EXOC6: variants seen among roughly 807,000 people sequenced by gnomAD.
The protein encoded by EXOC6 is SEC15-like 1.
A neutral mutation model predicts 112.5 loss-of-function variants in EXOC6; 60 were observed. The ratio of observed to expected loss-of-function variants is 0.53; its 90% CI spans 0.43 to 0.66. The LOEUF is 0.66. EXOC6 is among the 30% of genes least tolerant of loss of function. The pLI, the probability that EXOC6 is intolerant of heterozygous loss-of-function variation, is 0.00. For synonymous variants in EXOC6, 295 were observed against 308.0 expected, an observed-to-expected ratio of 0.96 and a Z score of 0.44; for missense variants, 855 against 957.1, an observed-to-expected ratio of 0.89 and a Z score of 1.41.
chr10:93,057,621 T>C (rs1340255842), intron 21 of EXOC6, among the ~76,000 whole-genome samples: 3 of 152,316 alleles, frequency 2.0e-5, no homozygotes, highest in South Asian at 2.1e-4. Context: ...ATGTCACTAT[T>C]GGGAGACTCT....
chr10:92,934,506 G>A, intron 11 of EXOC6, 76 bp downstream of exon 11: 2 of 1,252,930 alleles, frequency 1.6e-6, no homozygotes, highest in South Asian at 2.0e-5. Context: ...AATGTCAGAG[G>A]AAAACTGTAC....
intron 14 of EXOC6, among the ~76,000 whole-genome samples, chr10:92,951,727 C>G (rs1564856793): frequency 6.6e-6 from 1 of 152,112 alleles, no homozygotes; most frequent in Non-Finnish European, 1.5e-5. Flanking sequence ...AGGAAGGACC[C>G]TGTAAGCCAT....
chr10:93,000,901 A>G (rs1203469779), intron 19 of EXOC6, among the ~76,000 whole-genome samples: 1 of 152,224 alleles, frequency 6.6e-6, no homozygotes. Context: ...TGATTGATAT[A>G]TAAATCGTTT....
chr10:92,893,140 C>T (rs568799846), intron 1 of EXOC6, among the ~76,000 whole-genome samples: 2 of 152,224 alleles, frequency 1.3e-5, no homozygotes, highest in South Asian at 4.2e-4. Flanking sequence ...CCAGATACCT[C>T]ATGCTATATC....
intron 18 of EXOC6, among the ~76,000 whole-genome samples, chr10:92,991,062 C>G (rs975536654): frequency 3.3e-5 from 5 of 151,674 alleles, no homozygotes; most frequent in African/African-American, 7.3e-5. Flanking sequence ...CATTTGTCAA[C>G]TTTACTAATT....
intron 18 of EXOC6, among the ~76,000 whole-genome samples, chr10:92,993,015 G>A (rs1843336970): frequency 7.3e-6 from 1 of 137,668 alleles, no homozygotes; most frequent in Non-Finnish European, 1.6e-5. Flanking sequence ...AGCAAATGAT[G>A]ATAGTGAGTT....
chr10:92,863,247 A>G (rs931969477), intron 1 of EXOC6, among the ~76,000 whole-genome samples: 1 of 152,224 alleles, frequency 6.6e-6, no homozygotes, highest in African/African-American at 2.4e-5. Flanking sequence ...ACTTCCCATA[A>G]AGAGTACAGT....
At chr10:92,856,214 T>C (rs1285641526) in intron 1 of EXOC6, among the ~76,000 whole-genome samples, 1 of 151,876 alleles carries the variant, frequency 6.6e-6, no homozygotes, top group Non-Finnish European at 1.5e-5. Flanking sequence ...TTTATTACTT[T>C]CTTTCTTCTG....
At chr10:92,831,159 G>A (rs1425145432), upstream of EXOC6, among the ~76,000 whole-genome samples, 2 of 151,814 alleles carry the variant, frequency 1.3e-5, no homozygotes, top group Non-Finnish European at 2.9e-5. Flanking sequence ...AAAGTAAGAG[G>A]CAGACAGAAA....
intron 8 of EXOC6, among the ~76,000 whole-genome samples, chr10:92,921,304 G>A (rs1243451953): frequency 6.8e-6 from 1 of 147,182 alleles, no homozygotes; most frequent in Non-Finnish European, 1.5e-5. Flanking sequence ...GAGTGCAATG[G>A]CATGATCTCA....
At chr10:92,948,433 T>A (rs1853169064) in intron 14 of EXOC6, 54 bp downstream of exon 14, 6 of 1,026,558 alleles carry the variant, frequency 5.8e-6, no homozygotes, top group Admixed American at 2.5e-5. Context: ...TCATAGTATT[T>A]GTTACTACAT....
intron 20 of EXOC6, among the ~76,000 whole-genome samples, chr10:93,041,335 A>G (rs1381763225): frequency 3.3e-5 from 5 of 152,258 alleles, no homozygotes; most frequent in Non-Finnish European, 5.9e-5. Flanking sequence ...CCTTAAGTGC[A>G]TTTACTACAG....
rs1214694477 is a variant in EXOC6 at position 92,939,820 on chromosome 10, AAG to A, written c.1213-903_1213-902del. Among the ~76,000 whole-genome samples the A allele has an allele frequency of 5.3e-5, 8 of 152,252 alleles. No homozygotes were observed. In the East Asian group the frequency reaches 1.5e-3, roughly 29 times the overall value. On this transcript the variant is annotated intron_variant, in intron 12 of 21. Coordinates refer to ENST00000260762, the MANE Select transcript of EXOC6 (RefSeq NM_019053.6). ...AATTCAAAGCAGAGGAATTTCAAGA[AAG>A]AGATGTCAGGTAGAGTGAGATCATT... is the stretch of plus-strand genomic sequence containing the variant.
At chr10:92,865,396 C>T (rs796414947) in intron 1 of EXOC6, among the ~76,000 whole-genome samples, 6 of 152,082 alleles carry the variant, frequency 3.9e-5, no homozygotes, top group African/African-American at 1.4e-4. Context: ...ATTAGCCAGG[C>T]GTGGTGGCGT....
At chr10:93,029,300 T>C (rs1564923152) in intron 20 of EXOC6, among the ~76,000 whole-genome samples, 1 of 152,224 alleles carries the variant, frequency 6.6e-6, no homozygotes, top group East Asian at 1.9e-4. Flanking sequence ...TTTGTGTCAC[T>C]CACTTTATTG....
chr10:92,948,706 T>C (rs1853208618), intron 14 of EXOC6, among the ~76,000 whole-genome samples: 1 of 151,826 alleles, frequency 6.6e-6, no homozygotes, highest in Non-Finnish European at 1.5e-5. Flanking sequence ...CTAGGAGAGG[T>C]GTTACTAATG....
At chr10:92,984,235 C>T (rs776454029) in intron 18 of EXOC6, among the ~76,000 whole-genome samples, 6 of 152,092 alleles carry the variant, frequency 3.9e-5, no homozygotes, top group Non-Finnish European at 8.8e-5. Context: ...AAATTATACT[C>T]CATTATTTAA....
intron 20 of EXOC6, among the ~76,000 whole-genome samples, chr10:93,014,854 C>T (rs569586419): frequency 2.0e-5 from 3 of 152,310 alleles, no homozygotes; most frequent in African/African-American, 4.8e-5. Context: ...TTTTGCTACT[C>T]TGACATATCT....
At chr10:92,971,747 G>A (rs191639346) in intron 17 of EXOC6, among the ~76,000 whole-genome samples, 47 of 152,124 alleles carry the variant, frequency 3.1e-4, no homozygotes, top group African/African-American at 1.1e-3. Context: ...CTTTAGATAT[G>A]GTTTCCTTTT....
Sources: gnomAD v4.1 joint callset for allele counts (sites outside exome capture counted in the v4.1 genomes callset) on GRCh38, gnomAD v4.1.1 for gene constraint, MANE v1.5 for transcripts, NCBI Gene and HGNC (gene_info 2026-07-23, HGNC 2026-07-21) for gene names.